ZNF512: variants seen among roughly 807,000 people sequenced by gnomAD.
The protein encoded by ZNF512 is zinc finger protein 512.
A neutral mutation model predicts 77.5 loss-of-function variants in ZNF512; 25 were observed. The ratio of observed to expected loss-of-function variants is 0.32; its 90% confidence interval spans 0.23 to 0.45. ZNF512 has a LOEUF of 0.45. Ranked by LOEUF, ZNF512 falls within the 20% of genes least tolerant of loss-of-function variation. The pLI is 1.00. For missense variants in ZNF512, 483 were observed against 692.6 expected (o/e 0.70, Z 3.40); for synonymous variants, 246 against 239.9 (o/e 1.03, Z -0.24).
intron 7 of ZNF512, among the ~76,000 whole-genome samples, chr2:27,601,950 T>A (rs1438618598): frequency 6.6e-6 from 1 of 150,780 alleles, no homozygotes; most frequent in African/African-American, 2.4e-5. Context: ...CGCCCAGAAA[T>A]TTTTTGTATT....
At chr2:27,600,554 C>A in intron 5 of ZNF512, 137 bp from the exon 6 acceptor site, 2 of 957,760 alleles carry the variant, frequency 2.1e-6, no homozygotes, top group Admixed American at 2.8e-5. Flanking sequence ...AAGTTATACC[C>A]AGCAAGAGCC....
At chr2:27,588,462 T>C (rs940886316) in intron 2 of ZNF512, among the ~76,000 whole-genome samples, 2 of 152,110 alleles carry the variant, frequency 1.3e-5, no homozygotes, top group East Asian at 3.8e-4. Context: ...GTGAATGTTT[T>C]ATGGTAAGGG....
chr2:27,618,526 T>TA (rs1672991598), intron 13 of ZNF512, among the ~76,000 whole-genome samples: 1 of 152,208 alleles, frequency 6.6e-6, no homozygotes, highest in Admixed American at 6.5e-5. Context: ...CTTAGGCAGA[T>TA]ATATGCCAAA....
At chr2:27,605,252 G>A (rs1572923168) in intron 9 of ZNF512, among the ~76,000 whole-genome samples, 2 of 152,140 alleles carry the variant, frequency 1.3e-5, no homozygotes, top group East Asian at 2.0e-4. Flanking sequence ...TCAGGAGTTC[G>A]AGACCAGCTG....
intron 9 of ZNF512, among the ~76,000 whole-genome samples, chr2:27,604,453 C>T (rs897487705): frequency 2.1e-5 from 3 of 140,864 alleles, no homozygotes; most frequent in African/African-American, 4.9e-5. Flanking sequence ...AGTTTTGACA[C>T]ATGTATACAG....
chr2:27,611,859 G>A (rs942212766), intron 10 of ZNF512, among the ~76,000 whole-genome samples: 11 of 151,902 alleles, frequency 7.2e-5, no homozygotes, highest in African/African-American at 2.7e-4. Context: ...CACCACGCCC[G>A]GCTAATTTTT....
At chr2:27,583,820 CAT>C (rs1227564825) in intron 2 of ZNF512, 104 bp downstream of exon 2, 5 of 1,246,540 alleles carry the variant, frequency 4.0e-6, no homozygotes, top group Admixed American at 2.7e-5. Context: ...TGTCCAGTAT[CAT>C]AGCCACTAAC....
At chr2:27,585,846 T>C (rs1304909702) in intron 2 of ZNF512, among the ~76,000 whole-genome samples, 2 of 152,206 alleles carry the variant, frequency 1.3e-5, no homozygotes, top group African/African-American at 2.4e-5. Context: ...CAACAAAGCT[T>C]TTTCTTGTTA....
intron 10 of ZNF512, among the ~76,000 whole-genome samples, chr2:27,610,335 G>T (rs573604911): frequency 6.8e-6 from 1 of 147,262 alleles, no homozygotes; most frequent in South Asian, 2.1e-4. Context: ...CTGCACTCCA[G>T]CCTGGGTGAC....
chr2:27,583,392 T>C, intron 1 of ZNF512: 2 of 1,410,270 alleles, frequency 1.4e-6, no homozygotes, highest in Non-Finnish European at 1.9e-6. Context: ...ATGTCTCTCA[T>C]ATCCGTTGTC....
intron 4 of ZNF512, 121 bp from the exon 5 acceptor site, chr2:27,599,849 T>C: frequency 1.6e-6 from 2 of 1,265,950 alleles, no homozygotes; most frequent in Non-Finnish European, 2.3e-6. Flanking sequence ...CATTCTGTCC[T>C]GACTTAGGCA....
At chr2:27,620,281 AC>A (rs1673061655) in intron 13 of ZNF512, among the ~76,000 whole-genome samples, 1 of 152,192 alleles carries the variant, frequency 6.6e-6, no homozygotes, top group Admixed American at 6.5e-5. Flanking sequence ...TGTTCTACTC[AC>A]ATTTAAACAC....
chr2:27,617,905 CA>C (rs61523057), intron 13 of ZNF512, among the ~76,000 whole-genome samples: 161 of 113,678 alleles, frequency 1.4e-3, no homozygotes, highest in Middle Eastern at 4.7e-3. Context: ...GATCCTGACT[CA>C]AAAAAAAAAA....
intron 9 of ZNF512, 40 bp downstream of exon 9, chr2:27,603,347 A>G: frequency 6.2e-7 from 1 of 1,604,904 alleles, no homozygotes; most frequent in Non-Finnish European, 8.5e-7. Context: ...GTGGGGATGT[A>G]TTTCGTGGTG....
intron 10 of ZNF512, among the ~76,000 whole-genome samples, chr2:27,610,288 C>G (rs1260457172): frequency 1.4e-5 from 2 of 142,906 alleles, no homozygotes; most frequent in African/African-American, 5.2e-5. Context: ...CACTTGAACC[C>G]GGGGGGCAGA....
At chr2:27,589,917 G>C (rs1211936599) in intron 2 of ZNF512, among the ~76,000 whole-genome samples, 2 of 152,166 alleles carry the variant, frequency 1.3e-5, no homozygotes, top group African/African-American at 2.4e-5. Flanking sequence ...AATGTGGTCA[G>C]AGAATACACT....
rs763412050 is a variant in ZNF512 at position 27,616,309 on chromosome 2, G to C, written c.1281G>C (p.Leu427=). ...GTGTATCTGGCCTTAAAGCTCACCT[G>C]GGCTCTTGTACATTGGTTTGTAACT... ...YSSVSGLKAH[L]GSCTLGNFVA... The change falls in exon 12 of 14, where the codon CTG becomes CTC. Residue 427 remains leucine, a synonymous_variant. Transcript: ENST00000355467. 5 of 1,613,802 alleles carry C rather than the reference G, an allele frequency of 3.1e-6. No individual in the cohort carries two copies. Among genetic ancestry groups the C allele is most frequent in the Non-Finnish European group, 4.2e-6 (5 of 1,179,712 alleles).
chr2:27,615,089 AG>A, intron 10 of ZNF512, 78 bp from the exon 11 acceptor site: 1 of 804,772 alleles, frequency 1.2e-6, no homozygotes. Flanking sequence ...TATAACCTAA[AG>A]AGTTGGGTGT....
chr2:27,614,098 G>A (rs1028074226), intron 10 of ZNF512, among the ~76,000 whole-genome samples: 8 of 151,964 alleles, frequency 5.3e-5, no homozygotes, highest in African/African-American at 1.9e-4. Flanking sequence ...GAGGTTCTTC[G>A]GGCTACCTTC....
Sources: gnomAD v4.1 joint callset for allele counts (sites outside exome capture counted in the v4.1 genomes callset) on GRCh38, gnomAD v4.1.1 for gene constraint, MANE v1.5 for transcripts, NCBI Gene and HGNC (gene_info 2026-07-23, HGNC 2026-07-21) for gene names.